HYDIN: variants seen among roughly 807,000 people sequenced by gnomAD.
The protein encoded by HYDIN is axonemal central pair apparatus protein HYDIN.
Under a neutral mutation model 403.9 loss-of-function variants are expected in HYDIN, and 132 were observed. That is an observed-to-expected ratio of 0.33 (90% CI 0.28 to 0.38). The LOEUF (loss-of-function observed/expected upper bound fraction) is 0.38. Among genes scored for constraint, HYDIN ranks in the 10% least tolerant of loss-of-function variants. The pLI, the probability that HYDIN is intolerant of heterozygous loss-of-function variation, is 1.00. For synonymous variants in HYDIN, 1,202 were observed against 1,891.7 expected, an observed-to-expected ratio of 0.64 and a Z score of 9.46; for missense variants, 2,827 against 5,009.5, an observed-to-expected ratio of 0.56 and a Z score of 13.15.
Position 70,803,731 on chromosome 16 carries a change from G to A in HYDIN, c.*3849C>T, listed in dbSNP as rs752565020. ...GGAGTTTCAGGGCAACAGGGTTTAA[G>A]GTATTAGGTAGAGGTCTTGAAATGT... On this transcript the variant is annotated 3_prime_UTR_variant, in exon 86 of 86. Transcript: ENST00000393567. 5.3e-5 allele frequency among the ~76,000 whole-genome samples: 8 copies of A among 152,170 alleles called. No homozygotes were observed. Among genetic ancestry groups the A allele is most frequent in the Admixed American group, 2.6e-4 (4 of 15,282 alleles).
chr16:71,215,218 G>A (rs2088817936), intron 1 of HYDIN, among the ~76,000 whole-genome samples: 1 of 151,960 alleles, frequency 6.6e-6, no homozygotes. Flanking sequence ...AGGAAAGAAG[G>A]GAGGAAGGGA....
chr16:71,104,360 TG>T (rs1470750462), intron 10 of HYDIN, among the ~76,000 whole-genome samples: 1 of 141,228 alleles, frequency 7.1e-6, no homozygotes, highest in Non-Finnish European at 1.5e-5. Context: ...AAAATAGAAT[TG>T]ATTAAAAACA....
chr16:71,004,726 A>C (rs1344444655), intron 23 of HYDIN, among the ~76,000 whole-genome samples: 1 of 152,182 alleles, frequency 6.6e-6, no homozygotes, highest in Non-Finnish European at 1.5e-5. Context: ...ATAAAAATTA[A>C]GTTAGTTTTA....
At chr16:70,841,022 TTAGAATAAACAG>T (rs2037783408) in intron 75 of HYDIN, among the ~76,000 whole-genome samples, 1 of 152,092 alleles carries the variant, frequency 6.6e-6, no homozygotes, top group African/African-American at 2.4e-5. Context: ...ATAAACATTA[TTAGAATAAACAG>T]TAGAATAAAC....
intron 36 of HYDIN, among the ~76,000 whole-genome samples, chr16:70,965,228 C>T (rs1463782112): frequency 6.6e-6 from 1 of 152,164 alleles, no homozygotes; most frequent in Non-Finnish European, 1.5e-5. Context: ...CATTATCTAC[C>T]TTGAGTGACA....
intron 13 of HYDIN, among the ~76,000 whole-genome samples, chr16:71,073,827 A>C (rs946868993): frequency 1.4e-4 from 21 of 152,060 alleles, no homozygotes; most frequent in African/African-American, 4.6e-4. Flanking sequence ...ATCACCACCC[A>C]ATTCTATTAT....
chr16:70,891,477 C>T (rs2041463987), intron 57 of HYDIN, among the ~76,000 whole-genome samples, 169 bp downstream of exon 57: 1 of 152,280 alleles, frequency 6.6e-6, no homozygotes, highest in African/African-American at 2.4e-5. Flanking sequence ...GTGTGAGCCA[C>T]TGCGCCCAGC....
intron 83 of HYDIN, among the ~76,000 whole-genome samples, chr16:70,821,747 C>T (rs938612192): frequency 1.3e-5 from 2 of 151,424 alleles, no homozygotes; most frequent in African/African-American, 4.9e-5. Context: ...TTTTTAAAAA[C>T]TAATTTTTTA....
chr16:70,905,103 G>C (rs1347713538), intron 50 of HYDIN, among the ~76,000 whole-genome samples: 1 of 152,134 alleles, frequency 6.6e-6, no homozygotes, highest in East Asian at 1.9e-4. Context: ...TCTGAAAAAG[G>C]TTTTAGATAG....
At chr16:71,178,684 A>G (rs1303496388) in intron 4 of HYDIN, among the ~76,000 whole-genome samples, 1 of 152,036 alleles carries the variant, frequency 6.6e-6, no homozygotes, top group Non-Finnish European at 1.5e-5. Context: ...CCTTTAATCA[A>G]CAAAAGTTAG....
intron 1 of HYDIN, 51 bp downstream of exon 1, chr16:71,230,510 GC>G: frequency 6.8e-7 from 1 of 1,481,214 alleles, no homozygotes; most frequent in South Asian, 1.3e-5. Flanking sequence ...GCCCCGGTTA[GC>G]CCCCATGTCC....
intron 23 of HYDIN, among the ~76,000 whole-genome samples, chr16:71,004,999 TA>T (rs1597516962): frequency 6.6e-6 from 1 of 152,250 alleles, no homozygotes; most frequent in African/African-American, 2.4e-5. Flanking sequence ...AAGTATGTTT[TA>T]AAATGTCTAA....
chr16:70,867,049 GA>G (rs2039800443), intron 66 of HYDIN, among the ~76,000 whole-genome samples: 1 of 125,082 alleles, frequency 8.0e-6, no homozygotes, highest in Non-Finnish European at 1.7e-5. Context: ...AAAAAAAAAA[GA>G]TAAACTATAA....
chr16:70,808,201 C>A, intron 85 of HYDIN, 139 bp from the exon 86 acceptor site: 1 of 943,252 alleles, frequency 1.1e-6, no homozygotes, highest in Non-Finnish European at 1.6e-6. Flanking sequence ...AAAGTTGTGT[C>A]CTTATAACTC....
chr16:70,818,193 C>G, intron 84 of HYDIN, 149 bp downstream of exon 84: 1 of 593,928 alleles, frequency 1.7e-6, no homozygotes, highest in South Asian at 2.0e-5. Context: ...AGAAAAGGAA[C>G]ATGAGGGTGA....
intron 2 of HYDIN, among the ~76,000 whole-genome samples, 161 bp from the exon 3 acceptor site, chr16:71,185,151 T>C (rs1192941428): frequency 6.6e-6 from 1 of 152,182 alleles, no homozygotes; most frequent in East Asian, 1.9e-4. Context: ...GTAAATTATA[T>C]AAGAGAAGTA....
In HYDIN at chr16:71,003,767, C is replaced by T. The variant is rs191802087; in HGVS notation, c.3645-11557G>A. Among the ~76,000 whole-genome samples, 37 of 151,672 alleles carry T rather than the reference C, an allele frequency of 2.4e-4. No individual in the cohort carries two copies. The East Asian group carries it at 6.4e-3, about 26-fold the overall frequency. ...TGAGCCAAGATCGCACCATTGCACTCCAGCCCAGGGGACAGGGCGAGACTC... is the reference window on the plus strand; with the variant it reads ...TGAGCCAAGATCGCACCATTGCACTTCAGCCCAGGGGACAGGGCGAGACTC... On this transcript the variant is annotated intron_variant, in intron 23 of 85. Transcript: ENST00000393567.
chr16:71,164,024 T>C (rs990782522), intron 5 of HYDIN, among the ~76,000 whole-genome samples: 2 of 147,928 alleles, frequency 1.4e-5, no homozygotes, highest in Non-Finnish European at 3.0e-5. Flanking sequence ...AGTCACTCTT[T>C]ATGCCATCTC....
At chr16:70,875,839 A>G (rs528037271) in intron 62 of HYDIN, among the ~76,000 whole-genome samples, 50 of 152,294 alleles carry the variant, frequency 3.3e-4, no homozygotes, top group African/African-American at 1.2e-3. Context: ...TGAGAGATTA[A>G]TAGGTGAAAA....
Sources: allele counts gnomAD v4.1 joint callset (sites outside exome capture counted in the v4.1 genomes callset), GRCh38; gene constraint gnomAD v4.1.1; transcripts MANE v1.5; gene names NCBI Gene and HGNC (gene_info 2026-07-23, HGNC 2026-07-21).